Variants in NAV3 observed in about 807,000 individuals in gnomAD.
The protein encoded by NAV3 is neuron navigator 3, also known as pore membrane and/or filament interacting like protein 1.
A neutral mutation model predicts 244.7 loss-of-function variants in NAV3; 87 were observed. The observed-to-expected ratio is 0.36, with a 90% CI of 0.30 to 0.42. NAV3 has a LOEUF of 0.42. Among genes scored for constraint, NAV3 ranks in the 20% least tolerant of loss-of-function variants. The probability of loss-of-function intolerance (pLI) is 1.00; values close to 1 mark genes in which losing one functional copy is unlikely to be tolerated. For missense variants in NAV3, 2,663 were observed against 2,893.3 expected, an observed-to-expected ratio of 0.92 and a Z score of 1.83; for synonymous variants, 1,126 against 1,042.2, an observed-to-expected ratio of 1.08 and a Z score of -1.55.
At chr12:77,921,188 T>G (rs561750382) in intron 1 of NAV3, among the ~76,000 whole-genome samples, 1 of 152,186 alleles carries the variant, frequency 6.6e-6, no homozygotes, top group South Asian at 2.1e-4. Flanking sequence ...TTGGTCATCA[T>G]AAATCTAGTG....
intron 2 of NAV3, among the ~76,000 whole-genome samples, chr12:77,682,262 T>C (rs1023974613): frequency 6.6e-6 from 1 of 152,222 alleles, no homozygotes; most frequent in Non-Finnish European, 1.5e-5. Flanking sequence ...TATTTATCTT[T>C]CTGTGGCTGG....
chr12:77,744,925 A>G (rs1301347683), intron 2 of NAV3, among the ~76,000 whole-genome samples: 2 of 152,150 alleles, frequency 1.3e-5, no homozygotes, highest in Non-Finnish European at 1.5e-5. Flanking sequence ...TTAAAAGAGT[A>G]CAGTGGTCCT....
intron 2 of NAV3, among the ~76,000 whole-genome samples, chr12:77,632,015 A>G (rs1871928430): frequency 6.6e-6 from 1 of 152,210 alleles, no homozygotes; most frequent in Non-Finnish European, 1.5e-5. Context: ...AGTTATGGGC[A>G]GCTGCCCTGG....
At chr12:77,836,643 A>G (rs1359398808) in intron 1 of NAV3, among the ~76,000 whole-genome samples, 1 of 152,182 alleles carries the variant, frequency 6.6e-6, no homozygotes, top group African/African-American at 2.4e-5. Flanking sequence ...TCAAAGGAAG[A>G]CTTTTTTCTA....
intron 11 of NAV3, among the ~76,000 whole-genome samples, chr12:78,052,493 G>T (rs1206639798): frequency 2.0e-5 from 3 of 152,144 alleles, no homozygotes; most frequent in African/African-American, 4.8e-5. Flanking sequence ...GGATAAAATT[G>T]TACCATCTTC....
intron 2 of NAV3, among the ~76,000 whole-genome samples, chr12:77,752,464 TA>T (rs1868909634): frequency 6.6e-6 from 1 of 152,038 alleles, no homozygotes; most frequent in Admixed American, 6.6e-5. Context: ...AGTTTATAGA[TA>T]AAAACAGATG....
intron 9 of NAV3, 42 bp downstream of exon 9, chr12:78,021,904 C>T (rs750551370): frequency 2.3e-6 from 3 of 1,276,710 alleles, no homozygotes; most frequent in Non-Finnish European, 2.2e-6. Flanking sequence ...CTAGGAATTT[C>T]CGTATTCTCT....
At chr12:78,039,703 G>A (rs896665564) in intron 9 of NAV3, among the ~76,000 whole-genome samples, 5 of 152,054 alleles carry the variant, frequency 3.3e-5, no homozygotes, top group African/African-American at 1.2e-4. Context: ...AAAATTAAGA[G>A]CAAGATCACA....
intron 2 of NAV3, among the ~76,000 whole-genome samples, chr12:77,703,701 C>T (rs1875664598): frequency 6.6e-6 from 1 of 152,100 alleles, no homozygotes; most frequent in Non-Finnish European, 1.5e-5. Context: ...GCCATATGTG[C>T]ACACCTTGGT....
At chr12:77,720,688 T>C (rs1876581377) in intron 2 of NAV3, among the ~76,000 whole-genome samples, 1 of 152,156 alleles carries the variant, frequency 6.6e-6, no homozygotes, top group Non-Finnish European at 1.5e-5. Flanking sequence ...TTCCCACTTG[T>C]TCCATGTGGA....
At chr12:78,134,658 G>A (rs1349001186) in intron 18 of NAV3, among the ~76,000 whole-genome samples, 2 of 152,100 alleles carry the variant, frequency 1.3e-5, no homozygotes, top group Non-Finnish European at 2.9e-5. Flanking sequence ...GGAGGCTGGG[G>A]CAAGAGGATC....
At chr12:77,775,624 C>T (rs970909847) in intron 2 of NAV3, among the ~76,000 whole-genome samples, 1 of 152,032 alleles carries the variant, frequency 6.6e-6, no homozygotes, top group African/African-American at 2.4e-5. Flanking sequence ...ATGTATACCA[C>T]GTTAGAACTT....
At chr12:78,032,712 G>C (rs545872373) in intron 9 of NAV3, among the ~76,000 whole-genome samples, 1 of 152,126 alleles carries the variant, frequency 6.6e-6, no homozygotes, top group Admixed American at 6.6e-5. Flanking sequence ...TTACAGTGCT[G>C]GCTGAATTAA....
Position 78,211,943 on chromosome 12 carries a change from A to G in NAV3, c.*1426A>G, listed in dbSNP as rs1960914201. 6.6e-6 allele frequency: 1 copy of G among 152,624 alleles called. No individual in the cohort carries two copies. Among genetic ancestry groups the G allele is most frequent in the Non-Finnish European group, 1.5e-5 (1 of 68,034 alleles). The allele number at this position is 152,624 out of a possible 1,614,324, so 9.5% of individuals were successfully genotyped here. Reference sequence around the variant, plus strand: ...AACTTGCACAAATCAAAACAAACACAAACAAAATTGTATTTTATCCTGTTG... The same window carrying G: ...AACTTGCACAAATCAAAACAAACACGAACAAAATTGTATTTTATCCTGTTG... On this transcript the variant is annotated 3_prime_UTR_variant, in exon 40 of 40. Transcript: ENST00000397909.
intron 38 of NAV3, among the ~76,000 whole-genome samples, chr12:78,201,233 G>T (rs926178897): frequency 2.0e-5 from 3 of 151,310 alleles, no homozygotes; most frequent in Non-Finnish European, 3.0e-5. Context: ...TCAGTTATTT[G>T]TATTGTTATT....
chr12:78,148,727 C>A, intron 21 of NAV3, 115 bp from the exon 22 acceptor site: 1 of 795,106 alleles, frequency 1.3e-6, no homozygotes, highest in Non-Finnish European at 2.0e-6. Flanking sequence ...GGAGTTGCTG[C>A]TGATACAATG....
chr12:77,828,702 C>A (rs1041843494), upstream of NAV3, among the ~76,000 whole-genome samples: 7 of 151,972 alleles, frequency 4.6e-5, no homozygotes, highest in Non-Finnish European at 1.0e-4. Context: ...GATATTACTG[C>A]AAAAAATTAG....
intron 12 of NAV3, among the ~76,000 whole-genome samples, chr12:78,089,711 C>CTG (rs1953822889): frequency 6.6e-6 from 1 of 152,058 alleles, no homozygotes; most frequent in South Asian, 2.1e-4. Flanking sequence ...GCCTCCTCAC[C>CTG]ATGTGTAAGT....
intron 1 of NAV3, among the ~76,000 whole-genome samples, chr12:77,904,767 G>C (rs1885777726): frequency 6.6e-6 from 1 of 152,140 alleles, no homozygotes. Flanking sequence ...ACTACTGCCA[G>C]ATTCACTTTA....
Sources: gnomAD v4.1 joint callset for allele counts (sites outside exome capture counted in the v4.1 genomes callset) on GRCh38, gnomAD v4.1.1 for gene constraint, MANE v1.5 for transcripts, NCBI Gene and HGNC (gene_info 2026-07-23, HGNC 2026-07-21) for gene names.